FKBP5: variants seen among roughly 807,000 people sequenced by gnomAD.
FKBP5 encodes the protein peptidyl-prolyl cis-trans isomerase FKBP5.
In FKBP5, 23 loss-of-function variants were observed where a neutral mutation model predicts 50.5. The ratio of observed to expected loss-of-function variants is 0.46; its 90% CI spans 0.33 to 0.65. The LOEUF (loss-of-function observed/expected upper bound fraction) is 0.65. Among genes scored for constraint, FKBP5 ranks in the 30% least tolerant of loss-of-function variants. FKBP5 has a pLI of 0.02. For synonymous variants in FKBP5, 176 were observed against 190.6 expected, an observed-to-expected ratio of 0.92 and a Z score of 0.63; for missense variants, 411 against 553.1, an observed-to-expected ratio of 0.74 and a Z score of 2.58.
chr6:35,609,660 A>C (rs917571325), intron 5 of FKBP5, among the ~76,000 whole-genome samples: 6 of 152,104 alleles, frequency 3.9e-5, no homozygotes, highest in East Asian at 3.9e-4. Context: ...CATATCTTCT[A>C]ATTTCTTTTT....
chr6:35,610,286 G>A (rs1763449326), intron 5 of FKBP5, among the ~76,000 whole-genome samples: 1 of 152,044 alleles, frequency 6.6e-6, no homozygotes, highest in Non-Finnish European at 1.5e-5. Context: ...TTCAAAAAAG[G>A]CCGGGCGTGG....
chr6:35,584,205 TTA>T lies in FKBP5; in HGVS notation c.840+2827_840+2828del, dbSNP rs539764164. ...TTATGCTGTTACCTGTACTTAATAA[TTA>T]TTTTCAGAGCCAAATAGAGTTCTCT... On this transcript the variant is annotated intron_variant, in intron 8 of 10. Transcript: ENST00000357266. 284 of 985,450 alleles carry T rather than the reference TTA, an allele frequency of 2.9e-4. 1 individual carries two copies. The African/African-American group carries it at 4.5e-3, about 16-fold the overall frequency. 61.0% of individuals were successfully genotyped at this position (985,450 alleles called of 1,614,324 possible).
intron 1 of FKBP5, chr6:35,664,651 C>T (rs1765165207): frequency 6.5e-6 from 1 of 154,104 alleles, no homozygotes; most frequent in African/African-American, 2.4e-5. Context: ...TCAGTATCCT[C>T]TCCTTAAAAT....
intron 1 of FKBP5, among the ~76,000 whole-genome samples, chr6:35,671,907 C>G (rs1765397740): frequency 6.6e-6 from 1 of 151,228 alleles, no homozygotes; most frequent in Admixed American, 6.6e-5. Context: ...CTCACTCTGT[C>G]GTCTAGGCTG....
rs1581854264 is a variant in FKBP5 at position 35,652,370 on chromosome 6, C to G, written c.-19-9527G>C. 2.0e-5 allele frequency among the ~76,000 whole-genome samples: 3 copies of G among 152,344 alleles called. No homozygotes were observed. The East Asian group carries it at 5.8e-4, about 29-fold the overall frequency. ...CTGACCGCCGGTGAGCCGGGCAGAA[C>G]AGAGCCATATTTCTCTTCTTTCAAA... On this transcript the variant is annotated intron_variant, in intron 1 of 10. Coordinates refer to ENST00000357266, the MANE Select transcript of FKBP5 (RefSeq NM_004117.4).
At position 35,574,447 on chromosome 6, in the gene FKBP5, C is replaced by A. The variant is rs1445044511; in HGVS notation, c.*1388G>T. 1 of 152,328 alleles carries A rather than the reference C, an allele frequency of 6.6e-6. No homozygotes were observed. Among genetic ancestry groups the A allele is most frequent in the East Asian group, 1.9e-4 (1 of 5,180 alleles). 9.4% of individuals were successfully genotyped at this position (152,328 alleles called of 1,614,324 possible). A position where few individuals can be genotyped will look rare whatever the true frequency, so the allele number is the denominator to read the frequency against. On this transcript the variant is annotated 3_prime_UTR_variant, in exon 11 of 11. Coordinates refer to ENST00000357266, the MANE Select transcript of FKBP5 (RefSeq NM_004117.4). Reference sequence around the variant, plus strand: ...TAGGCTGAGGGAATAGAGAGCCATGCTCAATCTGTTTACCCGTAAGGACTG... The same window carrying A: ...TAGGCTGAGGGAATAGAGAGCCATGATCAATCTGTTTACCCGTAAGGACTG...
intron 8 of FKBP5, chr6:35,580,526 CTTTTTTTTTTTTT>C (rs34594222): frequency 7.3e-4 from 40 of 54,676 alleles, no homozygotes; most frequent in African/African-American, 2.7e-3. Context: ...ATTCTTTAGT[CTTTTTTTTTTTTT>C]TTTTTTTTTT....
intron 3 of FKBP5, among the ~76,000 whole-genome samples, chr6:35,634,338 C>A (rs1325367711): frequency 1.3e-5 from 2 of 152,136 alleles, no homozygotes; most frequent in East Asian, 1.9e-4. Context: ...ACAACAACAA[C>A]AAAATTCTAA....
chr6:35,687,220 A>T (rs1396189651), intron 1 of FKBP5, among the ~76,000 whole-genome samples: 1 of 152,212 alleles, frequency 6.6e-6, no homozygotes, highest in Non-Finnish European at 1.5e-5. Flanking sequence ...CTGGGTAACT[A>T]AATAAAGTGT....
chr6:35,714,966 C>A (rs753247044), intron 2 of FKBP5, among the ~76,000 whole-genome samples: 3 of 151,754 alleles, frequency 2.0e-5, no homozygotes, highest in Admixed American at 2.0e-4. Flanking sequence ...GGAGTGTAGT[C>A]GCACGATGTC....
intron 1 of FKBP5, among the ~76,000 whole-genome samples, chr6:35,676,485 G>A (rs911968046): frequency 8.5e-5 from 13 of 152,122 alleles, no homozygotes; most frequent in South Asian, 6.2e-4. Context: ...ATTTTAACAC[G>A]CCCAAGATCA....
At chr6:35,720,981 T>C (rs1370880954) in intron 1 of FKBP5, among the ~76,000 whole-genome samples, 1 of 152,110 alleles carries the variant, frequency 6.6e-6, no homozygotes. Context: ...ATCCCACTGG[T>C]AGTACATGAA....
intron 8 of FKBP5, chr6:35,582,439 G>T: frequency 4.7e-6 from 2 of 424,694 alleles, no homozygotes; most frequent in Non-Finnish European, 6.3e-6. Flanking sequence ...TGGGATTAGA[G>T]CCTTTATAAG....
chr6:35,577,931 G>C (rs1340133703), intron 9 of FKBP5, among the ~76,000 whole-genome samples: 1 of 151,822 alleles, frequency 6.6e-6, no homozygotes. Context: ...GCAGGCGCCT[G>C]TAATCCCAGC....
At chr6:35,597,634 G>C (rs1456993749) in intron 5 of FKBP5, among the ~76,000 whole-genome samples, 1 of 152,130 alleles carries the variant, frequency 6.6e-6, no homozygotes, top group African/African-American at 2.4e-5. Context: ...GTATCAATAA[G>C]ACAGTTTAGT....
intron 1 of FKBP5, among the ~76,000 whole-genome samples, chr6:35,688,471 G>A (rs866066206): frequency 6.6e-6 from 1 of 151,642 alleles, no homozygotes; most frequent in African/African-American, 2.4e-5. Flanking sequence ...AGGACGGGCG[G>A]GCGCGACCCG....
chr6:35,689,046 CG>C (rs1205325159), upstream of FKBP5: 4 of 152,058 alleles, frequency 2.6e-5, no homozygotes, highest in Non-Finnish European at 5.9e-5. Flanking sequence ...CGCGGGCTGT[CG>C]ATCCGCCTGT....
chr6:35,662,054 T>G (rs188883322), intron 1 of FKBP5, among the ~76,000 whole-genome samples: 1 of 152,294 alleles, frequency 6.6e-6, no homozygotes, highest in Admixed American at 6.5e-5. Flanking sequence ...TGTTACTTTC[T>G]CTTTTTTATT....
At chr6:35,693,576 G>A (rs917250656), upstream of FKBP5, among the ~76,000 whole-genome samples, 6 of 151,784 alleles carry the variant, frequency 4.0e-5, no homozygotes, top group African/African-American at 1.2e-4. Context: ...CTGGAGTGCA[G>A]TGGCACAGTC....
Sources: gnomAD v4.1 joint callset for allele counts (sites outside exome capture counted in the v4.1 genomes callset) on GRCh38, gnomAD v4.1.1 for gene constraint, MANE v1.5 for transcripts, NCBI Gene and HGNC (gene_info 2026-07-23, HGNC 2026-07-21) for gene names.